The following DOCK8 variants were observed in gnomAD, a reference collection of about 807,000 sequenced individuals.
The protein encoded by DOCK8 is dedicator of cytokinesis 8.
DOCK8 carries 141 observed loss-of-function variants against 245.6 expected under a neutral mutation model. The observed-to-expected ratio is 0.57, with a 90% confidence interval of 0.50 to 0.66. The LOEUF is 0.66. DOCK8 is among the 30% of genes least tolerant of loss of function. The pLI, the probability that DOCK8 is intolerant of heterozygous loss-of-function variation, is 0.00. For missense variants in DOCK8, 2,965 were observed against 2,603.4 expected (o/e 1.14, Z -3.02); for synonymous variants, 1,168 against 970.2 (o/e 1.20, Z -3.79).
chr9:364,343 T>C (rs113299453), intron 14 of DOCK8, among the ~76,000 whole-genome samples: 2,493 of 152,220 alleles, frequency 0.016, 31 homozygotes, highest in Non-Finnish European at 0.022. Context: ...GATGAAAATG[T>C]TTAATGTGGC....
chr9:353,108 C>G (rs1307792373), intron 14 of DOCK8, among the ~76,000 whole-genome samples: 1 of 152,176 alleles, frequency 6.6e-6, no homozygotes, highest in East Asian at 1.9e-4. Flanking sequence ...TCCCAGTCTC[C>G]TAAGAGACAC....
At chr9:390,219 G>A (rs2054128757) in intron 23 of DOCK8, among the ~76,000 whole-genome samples, 1 of 152,128 alleles carries the variant, frequency 6.6e-6, no homozygotes, top group Non-Finnish European at 1.5e-5. Context: ...CTCCCAGGCT[G>A]AGTCCACTCC....
chr9:252,865 G>T (rs2047683043), intron 1 of DOCK8, among the ~76,000 whole-genome samples: 1 of 151,002 alleles, frequency 6.6e-6, no homozygotes, highest in Non-Finnish European at 1.5e-5. Flanking sequence ...GTTAACTTTT[G>T]TTGGTAGCCA....
At chr9:418,915 G>A (rs1415122848) in intron 30 of DOCK8, among the ~76,000 whole-genome samples, 2 of 151,988 alleles carry the variant, frequency 1.3e-5, no homozygotes, top group African/African-American at 4.8e-5. Flanking sequence ...GAGGCTGGTA[G>A]CTTAGCGTAA....
chr9:304,237 A>G (rs1433292595), intron 4 of DOCK8, among the ~76,000 whole-genome samples: 1 of 152,162 alleles, frequency 6.6e-6, no homozygotes, highest in Non-Finnish European at 1.5e-5. Flanking sequence ...GCTTCTGCAC[A>G]TTGCTAGATT....
intron 1 of DOCK8, chr9:220,717 C>CTTTTTTTCT (rs2046862234): frequency 2.9e-6 from 1 of 342,870 alleles, no homozygotes; most frequent in Admixed American, 3.5e-5. Flanking sequence ...TAATTTCTTT[C>CTTTTTTTCT]TTTTTTTTTT....
intron 1 of DOCK8, among the ~76,000 whole-genome samples, chr9:219,990 C>T (rs1055440698): frequency 1.3e-5 from 2 of 152,194 alleles, no homozygotes; most frequent in Non-Finnish European, 2.9e-5. Context: ...CTAATTTTAT[C>T]TGCAAAGATA....
At chr9:376,021 A>T (rs2053500753) in intron 18 of DOCK8, among the ~76,000 whole-genome samples, 189 bp from the exon 19 acceptor site, 2 of 152,172 alleles carry the variant, frequency 1.3e-5, no homozygotes, top group East Asian at 3.8e-4. Flanking sequence ...ATACATAAAT[A>T]TTAACTAGTT....
intron 30 of DOCK8, 188 bp from the exon 31 acceptor site, chr9:420,213 G>A: frequency 2.9e-6 from 2 of 687,348 alleles, no homozygotes; most frequent in South Asian, 1.7e-5. Context: ...GCTACTCAAA[G>A]AACACAGCTT....
chr9:239,778 A>T (rs1357799824), intron 1 of DOCK8, among the ~76,000 whole-genome samples: 1 of 152,208 alleles, frequency 6.6e-6, no homozygotes, highest in Non-Finnish European at 1.5e-5. Context: ...TACTTCTACA[A>T]AACTGGAAGT....
In DOCK8 at chr9:396,843, C is replaced by G; in HGVS notation, c.3029C>G (p.Thr1010Ser). The change falls in exon 25 of 48, where the codon ACT becomes AGT. Residue 1010 changes from threonine to serine, a missense_variant. Transcript: ENST00000432829. Reference protein sequence around the residue: ...NMDKRDSFRRTRFSDRFMDDI... With the variant: ...NMDKRDSFRRSRFSDRFMDDI... ...GACAAACGGGACAGTTTTCGGAGGA[C>G]TCGTTTTTCTGACCGTTTCATGGAT... The G allele has an allele frequency of 6.2e-7, 1 of 1,614,134 alleles. No individual in the cohort carries two copies.
At chr9:377,360 A>AT (rs57180068) in intron 20 of DOCK8, 149 bp downstream of exon 20, 58 of 595,544 alleles carry the variant, frequency 9.7e-5, no homozygotes, top group African/African-American at 3.0e-4. Flanking sequence ...GTCTTATGCT[A>AT]TTTTTTTTTT....
chr9:240,095 G>C (rs746606906), intron 1 of DOCK8, among the ~76,000 whole-genome samples: 6 of 152,128 alleles, frequency 3.9e-5, no homozygotes, highest in Non-Finnish European at 8.8e-5. Flanking sequence ...TGGCTCCCTT[G>C]TTTTCCTTTG....
chr9:373,991 T>A (rs2053410734), intron 18 of DOCK8, among the ~76,000 whole-genome samples: 1 of 152,220 alleles, frequency 6.6e-6, no homozygotes, highest in Admixed American at 6.5e-5. Context: ...AAGTCTAGAT[T>A]CTGCCACTCC....
intron 15 of DOCK8, chr9:368,777 A>G (rs1259750368): frequency 6.6e-6 from 1 of 150,808 alleles, no homozygotes; most frequent in African/African-American, 2.4e-5. Context: ...ACTATTTCCC[A>G]TAAGTCATAG....
In DOCK8 at chr9:446,513, G is replaced by A. The variant is rs2057265395; in HGVS notation, c.5724G>A (p.Glu1908=). Residue 1908 remains glutamate, a synonymous_variant, in exon 44 of 48, where the codon GAG becomes GAA. Coordinates refer to ENST00000432829, the MANE Select transcript of DOCK8 (RefSeq NM_203447.4). ...CCCTGGAGGGGCGGCCTCGGGGAGAGCTGCATGAGCAGTACAGAAGGAACA... is the reference window on the plus strand; with the variant it reads ...CCCTGGAGGGGCGGCCTCGGGGAGAACTGCATGAGCAGTACAGAAGGAACA... ...PFTLEGRPRG[E]LHEQYRRNTV... is the part of the protein sequence containing the mutation. The A allele has an allele frequency of 1.2e-6, 2 of 1,614,224 alleles. No individual in the cohort carries two copies. The highest frequency in any genetic ancestry group is 1.7e-5 in the Admixed American group (1 of 60,028).
chr9:410,665 A>G (rs1417362460), intron 28 of DOCK8, among the ~76,000 whole-genome samples: 3 of 152,250 alleles, frequency 2.0e-5, no homozygotes, highest in Non-Finnish European at 4.4e-5. Flanking sequence ...ACTCTGAGCT[A>G]GGAAAAGAAG....
At chr9:384,607 C>T (rs2053869185) in intron 22 of DOCK8, among the ~76,000 whole-genome samples, 1 of 152,154 alleles carries the variant, frequency 6.6e-6, no homozygotes, top group Admixed American at 6.5e-5. Context: ...GAACCATCTA[C>T]CCTGGGTCTT....
intron 39 of DOCK8, 140 bp downstream of exon 39, chr9:435,115 A>C (rs2056854654): frequency 1.0e-6 from 1 of 957,620 alleles, no homozygotes; most frequent in Non-Finnish European, 1.6e-6. Context: ...TGCTACTGGC[A>C]TCTGACTGGT....
Sources: allele counts gnomAD v4.1 joint callset (sites outside exome capture counted in the v4.1 genomes callset), GRCh38; gene constraint gnomAD v4.1.1; transcripts MANE v1.5; gene names NCBI Gene and HGNC (gene_info 2026-07-23, HGNC 2026-07-21).